Variants in BRCA1 observed in about 807,000 individuals in gnomAD.
The protein encoded by BRCA1 is breast cancer type 1 susceptibility protein.
Under a neutral mutation model 173.7 loss-of-function variants are expected in BRCA1, and 140 were observed. The ratio of observed to expected loss-of-function variants is 0.81; its 90% CI spans 0.70 to 0.93. The LOEUF (loss-of-function observed/expected upper bound fraction) is 0.93, where lower values mean the gene tolerates loss of function less well. Among genes scored for constraint, BRCA1 ranks in the 40% least tolerant of loss-of-function variants. The pLI, the probability that BRCA1 is intolerant of heterozygous loss-of-function variation, is 0.00. For missense variants in BRCA1, 1,983 were observed against 2,172.5 expected, an observed-to-expected ratio of 0.91 and a Z score of 1.73; for synonymous variants, 662 against 756.0, an observed-to-expected ratio of 0.88 and a Z score of 2.04.
chr17:43,137,446 AGAAT>A (rs1318248962), intron 1 of BRCA1, among the ~76,000 whole-genome samples: 2 of 151,490 alleles, frequency 1.3e-5, no homozygotes, highest in African/African-American at 4.9e-5. Flanking sequence ...AAAAAAAAAA[AGAAT>A]AAAAGAGGTC....
At position 43,096,376 on chromosome 17, in the gene BRCA1, C is replaced by CAAAAAAAA. The variant is rs71160005; in HGVS notation, c.594-462_594-455dup. ...TGGGCAACAGAGCAAGACTCTGTCTCAAAAAAAAAAAAAAAAAAGAGAGAA... is the reference window on the plus strand; with the variant it reads ...TGGGCAACAGAGCAAGACTCTGTCTCAAAAAAAAAAAAAAAAAAAAAAAAAAGAGAGAA... On this transcript the variant is annotated intron_variant, in intron 8 of 22. Coordinates refer to ENST00000357654, the MANE Select transcript of BRCA1 (RefSeq NM_007294.4). Among the ~76,000 whole-genome samples, 10 of 74,206 alleles carry CAAAAAAAA rather than the reference C, an allele frequency of 1.3e-4. 1 individual carries two copies. Among genetic ancestry groups the CAAAAAAAA allele is most frequent in the Non-Finnish European group, 1.3e-4 (5 of 38,122 alleles). The allele number at this position is 74,206 out of a possible 152,430, so 48.7% of individuals were successfully genotyped here.
rs1289388150 is a variant in BRCA1 at position 43,165,477 on chromosome 17, T to A, written c.-20+4649A>T. On this transcript the variant is annotated intron_variant, in intron 1 of 7. Coordinates refer to the BRCA1 transcript ENST00000634433. Reference sequence around the variant, plus strand: ...TTTTACTTTTCTTATACACCTTGCATATAAACTGTTTTTTTTTTCAACAGT... The same window carrying A: ...TTTTACTTTTCTTATACACCTTGCAAATAAACTGTTTTTTTTTTCAACAGT... Among the ~76,000 whole-genome samples, 3 of 68,464 alleles carry A rather than the reference T, an allele frequency of 4.4e-5. No individual in the cohort carries two copies. The Admixed American group carries it at 6.7e-4, about 15-fold the overall frequency. The allele number at this position is 68,464 out of a possible 152,430, so 44.9% of individuals were successfully genotyped here.
intron 1 of BRCA1, among the ~76,000 whole-genome samples, chr17:43,135,161 C>T (rs1198503764): frequency 2.0e-5 from 3 of 152,258 alleles, no homozygotes; most frequent in African/African-American, 7.2e-5. Flanking sequence ...ACGCCTTAGG[C>T]GGTTCTGCGG....
chr17:43,090,737 T>TGTGCGC lies in BRCA1; in HGVS notation c.4185+201_4185+206dup, dbSNP rs138544133. Among the ~76,000 whole-genome samples, 1,355 of 152,228 alleles carry TGTGCGC rather than the reference T, an allele frequency of 8.9e-3. 16 individuals carry two copies. The highest frequency in any genetic ancestry group is 0.031 in the African/African-American group (1,278 of 41,526). On this transcript the variant is annotated intron_variant, in intron 11 of 22. Coordinates refer to ENST00000357654, the MANE Select transcript of BRCA1 (RefSeq NM_007294.4). ...CTAGGCAGTGTATGTGTAGGCTGTG[T>TGTGCGC]GTGCGCGTGTGCGTGTGTGTGAAAT...
In BRCA1 at chr17:43,118,761, C is replaced by CT. The variant is rs35150209; in HGVS notation, c.81-2983dup. Among the ~76,000 whole-genome samples, 40,551 of 136,574 alleles carry CT rather than the reference C, an allele frequency of 0.3. 6,390 individuals carry two copies. Among genetic ancestry groups the CT allele is most frequent in the South Asian group, 0.48 (2,052 of 4,234 alleles). The allele number at this position is 136,574 out of a possible 152,430, so 89.6% of individuals were successfully genotyped here. ...CTTTAGCTTTCTTCTGAATGTGAAC[C>CT]TTTTTTTTTTTTTTTGGAGATGGAG... On this transcript the variant is annotated intron_variant, in intron 2 of 22. Transcript: ENST00000357654.
intron 19 of BRCA1, among the ~76,000 whole-genome samples, chr17:43,054,573 G>A (rs1215198743): frequency 1.3e-5 from 2 of 151,828 alleles, no homozygotes; most frequent in Non-Finnish European, 2.9e-5. Flanking sequence ...CTGAGTAGCT[G>A]GGAATACAAG....
chr17:43,104,986 C>G (rs2054701789), intron 4 of BRCA1, 30 bp from the exon 5 acceptor site: 1 of 1,557,696 alleles, frequency 6.4e-7, no homozygotes, highest in African/African-American at 1.4e-5. Flanking sequence ...GAAACACACT[C>G]AGCAAGTGAT....
At chr17:43,158,926 G>A (rs1477962849) in intron 1 of BRCA1, among the ~76,000 whole-genome samples, 1 of 152,152 alleles carries the variant, frequency 6.6e-6, no homozygotes. Flanking sequence ...ATGAAAAGGT[G>A]GTATTTCAAT....
intron 1 of BRCA1, among the ~76,000 whole-genome samples, chr17:43,159,067 A>G (rs1183477937): frequency 6.6e-6 from 1 of 152,128 alleles, no homozygotes; most frequent in African/African-American, 2.4e-5. Context: ...AAAACCCTAT[A>G]TCTACAAACA....
At position 43,150,568 on chromosome 17, in the gene BRCA1, C is replaced by T. The variant is rs77672514; in HGVS notation, c.-20+19558G>A. ...CCAGCATCTCTTCTCTAGACCCATCCTCTAATTAGCTGTTTCTCAAGCAAC... is the reference window on the plus strand; with the variant it reads ...CCAGCATCTCTTCTCTAGACCCATCTTCTAATTAGCTGTTTCTCAAGCAAC... On this transcript the variant is annotated intron_variant, in intron 1 of 7. Coordinates refer to the BRCA1 transcript ENST00000634433. Among the ~76,000 whole-genome samples, 30 of 152,284 alleles carry T rather than the reference C, an allele frequency of 2.0e-4. No homozygotes were observed. In the East Asian group the frequency reaches 4.0e-3, roughly 21 times the overall value.
At chr17:43,128,954 G>A (rs1266903185), upstream of BRCA1, among the ~76,000 whole-genome samples, 6 of 151,942 alleles carry the variant, frequency 3.9e-5, no homozygotes, top group South Asian at 4.2e-4. Context: ...CACCACTCCC[G>A]GCCTCAGCTT....
chr17:43,092,708 A>G lies in BRCA1; in HGVS notation c.2823T>C (p.Asn941=), dbSNP rs1465630651. The G allele has an allele frequency of 6.2e-7, 1 of 1,614,150 alleles. No individual in the cohort carries two copies. The highest frequency in any genetic ancestry group is 8.5e-7 in the Non-Finnish European group (1 of 1,180,006). ...VVGQKDKPVD[N]AKCSIKGGSR... ...AGCCTCCTTTGATACTACATTTGGC[A>G]TTATCAACTGGCTTATCTTTCTGAC... Residue 941 remains asparagine, a synonymous_variant, in exon 10 of 23, where the codon AAT becomes AAC. Coordinates refer to ENST00000357654, the MANE Select transcript of BRCA1 (RefSeq NM_007294.4).
At chr17:43,078,232 C>T (rs529393701) in intron 12 of BRCA1, among the ~76,000 whole-genome samples, 97 of 152,092 alleles carry the variant, frequency 6.4e-4, no homozygotes, top group African/African-American at 2.2e-3. Context: ...TATAGGTGCC[C>T]ACCACCACCC....
At chr17:43,131,258 G>A (rs1266967507) in intron 1 of BRCA1, 3 of 378,092 alleles carry the variant, frequency 7.9e-6, no homozygotes, top group Non-Finnish European at 1.7e-5. Flanking sequence ...ACCTGGATGA[G>A]GAAGATGAAG....
In BRCA1 at chr17:43,113,657, G is replaced by A. The variant is rs768440647; in HGVS notation, c.134+2069C>T. ...GCTGGTATTATAGGCGTGAGCCACC[G>A]CGCCCGTCCTCTATTTTCTTTTATT... On this transcript the variant is annotated intron_variant, in intron 3 of 22. Transcript: ENST00000357654. 4.6e-5 allele frequency among the ~76,000 whole-genome samples: 7 copies of A among 152,034 alleles called. No individual in the cohort carries two copies. The South Asian group carries it at 1.0e-3, about 23-fold the overall frequency.
At chr17:43,130,244 A>C (rs2055954128), upstream of BRCA1, among the ~76,000 whole-genome samples, 1 of 152,042 alleles carries the variant, frequency 6.6e-6, no homozygotes, top group Non-Finnish European at 1.5e-5. Context: ...TTCAACTCCT[A>C]GGTTCACGAT....
intron 22 of BRCA1, among the ~76,000 whole-genome samples, chr17:43,046,655 T>C (rs1400233444): frequency 6.6e-6 from 1 of 150,500 alleles, no homozygotes; most frequent in African/African-American, 2.5e-5. Flanking sequence ...GCCCTGAGGC[T>C]GAGGCAGGAG....
At chr17:43,064,780 G>A (rs140795918) in intron 16 of BRCA1, among the ~76,000 whole-genome samples, 10 of 148,776 alleles carry the variant, frequency 6.7e-5, no homozygotes, top group Admixed American at 5.4e-4. Flanking sequence ...CAAAGCAAAT[G>A]TATTGGCTTT....
chr17:43,135,003 C>T (rs1228615267), intron 1 of BRCA1, among the ~76,000 whole-genome samples: 1 of 152,234 alleles, frequency 6.6e-6, no homozygotes, highest in Non-Finnish European at 1.5e-5. Context: ...AATTCCTCAG[C>T]CCTACATGCA....
Sources: gnomAD v4.1 joint callset for allele counts (sites outside exome capture counted in the v4.1 genomes callset) on GRCh38, gnomAD v4.1.1 for gene constraint, MANE v1.5 for transcripts, NCBI Gene and HGNC (gene_info 2026-07-23, HGNC 2026-07-21) for gene names.